NTM: variants seen among roughly 807,000 people sequenced by gnomAD.
NTM encodes IgLON family member 2.
In NTM, 13 loss-of-function variants were observed where a neutral mutation model predicts 42.1. The observed-to-expected ratio is 0.31, with a 90% CI of 0.20 to 0.49. The LOEUF is 0.49. NTM is among the 20% of genes least tolerant of loss of function. NTM has a pLI of 0.99. For synonymous variants in NTM, 187 were observed against 179.2 expected, an observed-to-expected ratio of 1.04 and a Z score of -0.35; for missense variants, 373 against 452.8, an observed-to-expected ratio of 0.82 and a Z score of 1.60.
At chr11:131,550,845 A>G (rs1015384814) in intron 1 of NTM, among the ~76,000 whole-genome samples, 2 of 152,218 alleles carry the variant, frequency 1.3e-5, no homozygotes, top group East Asian at 1.9e-4. Flanking sequence ...ATTTAAAAAA[A>G]TACCCTCAAA....
At chr11:131,991,582 C>A (rs2067030064) in intron 2 of NTM, among the ~76,000 whole-genome samples, 1 of 152,100 alleles carries the variant, frequency 6.6e-6, no homozygotes, top group Non-Finnish European at 1.5e-5. Flanking sequence ...AGTGTTGATG[C>A]CACATGACCA....
At chr11:131,576,716 G>T (rs187223983) in intron 1 of NTM, among the ~76,000 whole-genome samples, 321 of 152,286 alleles carry the variant, frequency 2.1e-3, no homozygotes, top group Non-Finnish European at 3.7e-3. Flanking sequence ...AAGGGCATCT[G>T]CCTGCATCAA....
intron 5 of NTM, among the ~76,000 whole-genome samples, chr11:132,308,314 T>C (rs965060049): frequency 2.0e-5 from 3 of 152,216 alleles, no homozygotes; most frequent in Non-Finnish European, 4.4e-5. Context: ...GTGCATGGTA[T>C]ACATACAAAT....
intron 3 of NTM, among the ~76,000 whole-genome samples, chr11:132,175,238 A>G (rs763147061): frequency 2.0e-5 from 3 of 152,010 alleles, no homozygotes; most frequent in Non-Finnish European, 2.9e-5. Context: ...CACTTGAGCT[A>G]TGATCTTCTC....
Position 131,916,780 on chromosome 11 carries a change from A to G in NTM, c.167+5132A>G, listed in dbSNP as rs537702406. Among the ~76,000 whole-genome samples, 56 of 152,306 alleles carry G rather than the reference A, an allele frequency of 3.7e-4. 1 individual carries two copies. Among genetic ancestry groups the G allele is most frequent in the African/African-American group, 1.1e-3 (47 of 41,580 alleles). ...ATGGCTTGGCCTGTGGAATTTGCCAATAAAATCCGAAGGACTCTCATCCTG... is the reference window on the plus strand; with the variant it reads ...ATGGCTTGGCCTGTGGAATTTGCCAGTAAAATCCGAAGGACTCTCATCCTG... On this transcript the variant is annotated intron_variant, in intron 2 of 8. Transcript: ENST00000683400.
At chr11:131,440,912 C>T (rs1321605057) in intron 1 of NTM, among the ~76,000 whole-genome samples, 1 of 147,320 alleles carries the variant, frequency 6.8e-6, no homozygotes, top group African/African-American at 2.5e-5. Context: ...CTTGCTTCTC[C>T]TCCCCAGGCA....
At chr11:131,383,642 G>T (rs1291005069) in intron 1 of NTM, among the ~76,000 whole-genome samples, 1 of 152,146 alleles carries the variant, frequency 6.6e-6, no homozygotes, top group South Asian at 2.1e-4. Flanking sequence ...AAGACAAGAG[G>T]TATATGTAGA....
chr11:131,769,110 T>C (rs566504066), intron 1 of NTM, among the ~76,000 whole-genome samples: 1 of 152,218 alleles, frequency 6.6e-6, no homozygotes, highest in Non-Finnish European at 1.5e-5. Flanking sequence ...GGCAGTTCCC[T>C]CCCAGGGCAA....
intron 1 of NTM, among the ~76,000 whole-genome samples, chr11:131,540,003 C>A (rs1390472934): frequency 6.6e-6 from 1 of 152,130 alleles, no homozygotes; most frequent in Non-Finnish European, 1.5e-5. Context: ...ACCTTAGCTC[C>A]CACCTCATCC....
intron 1 of NTM, among the ~76,000 whole-genome samples, chr11:131,832,887 T>C (rs530617083): frequency 9.5e-4 from 144 of 152,344 alleles, no homozygotes; most frequent in Middle Eastern, 3.4e-3. Context: ...ATAAGCTAAT[T>C]TTAAAATATA....
intron 1 of NTM, among the ~76,000 whole-genome samples, chr11:131,849,541 C>T (rs1048377989): frequency 1.1e-4 from 16 of 151,424 alleles, no homozygotes; most frequent in Middle Eastern, 3.4e-3. Context: ...ATGAGGGATC[C>T]GCCCCCATGA....
chr11:132,264,279 T>C (rs2093044594), intron 4 of NTM, among the ~76,000 whole-genome samples: 1 of 152,240 alleles, frequency 6.6e-6, no homozygotes, highest in Non-Finnish European at 1.5e-5. Context: ...ATTTCATATA[T>C]TTATTGGATA....
intron 3 of NTM, among the ~76,000 whole-genome samples, chr11:132,151,404 G>A (rs2071882619): frequency 2.0e-5 from 3 of 152,184 alleles, no homozygotes; most frequent in South Asian, 2.1e-4. Flanking sequence ...CCTTATCCAA[G>A]TATGGAAAAC....
At chr11:132,316,061 C>CCAAGT (rs1208342384) in intron 7 of NTM, among the ~76,000 whole-genome samples, 1 of 152,134 alleles carries the variant, frequency 6.6e-6, no homozygotes, top group Non-Finnish European at 1.5e-5. Flanking sequence ...TCCCATTAAC[C>CCAAGT]CAAGTCCTGC....
chr11:132,313,917 C>T (rs1363913452), intron 6 of NTM, among the ~76,000 whole-genome samples: 5 of 152,118 alleles, frequency 3.3e-5, no homozygotes, highest in Admixed American at 3.3e-4. Flanking sequence ...TCCTTCCAGA[C>T]TAATCCTCTA....
intron 1 of NTM, among the ~76,000 whole-genome samples, chr11:131,699,447 C>A (rs1027231856): frequency 6.6e-6 from 1 of 152,070 alleles, no homozygotes; most frequent in African/African-American, 2.4e-5. Context: ...AAAGGAGAAG[C>A]ATCAAATACA....
chr11:131,413,793 CA>C (rs1356411698), intron 1 of NTM, among the ~76,000 whole-genome samples: 8 of 151,954 alleles, frequency 5.3e-5, no homozygotes, highest in Non-Finnish European at 8.8e-5. Flanking sequence ...CCCGTGGGGA[CA>C]AGCAGGACAA....
intron 2 of NTM, among the ~76,000 whole-genome samples, chr11:132,117,277 T>A (rs2064041705): frequency 6.6e-6 from 1 of 152,212 alleles, no homozygotes; most frequent in Non-Finnish European, 1.5e-5. Flanking sequence ...GAAGGGAGCA[T>A]TGCTTTTTGT....
chr11:131,705,975 C>A (rs2076552014), intron 1 of NTM, among the ~76,000 whole-genome samples: 1 of 151,928 alleles, frequency 6.6e-6, no homozygotes, highest in Admixed American at 6.6e-5. Context: ...CAGAACAAGT[C>A]CTTATCTATC....
Sources: gnomAD v4.1 joint callset for allele counts (sites outside exome capture counted in the v4.1 genomes callset) on GRCh38, gnomAD v4.1.1 for gene constraint, MANE v1.5 for transcripts, NCBI Gene and HGNC (gene_info 2026-07-23, HGNC 2026-07-21) for gene names.